ADAMTSL1: variants seen among roughly 807,000 people sequenced by gnomAD.
ADAMTSL1 encodes the protein ADAMTS-like protein 1.
In ADAMTSL1, 126 loss-of-function variants were observed where a neutral mutation model predicts 201.8. That is an observed-to-expected ratio of 0.62 (90% CI 0.54 to 0.72). The LOEUF is 0.72. Ranked by LOEUF, ADAMTSL1 falls within the 30% of genes least tolerant of loss-of-function variation. The pLI, the probability that ADAMTSL1 is intolerant of heterozygous loss-of-function variation, is 0.00. For synonymous variants in ADAMTSL1, 1,121 were observed against 903.4 expected, an observed-to-expected ratio of 1.24 and a Z score of -4.32; for missense variants, 2,679 against 2,277.8, an observed-to-expected ratio of 1.18 and a Z score of -3.59.
chr9:18,233,223 T>C (rs1467245425), intron 2 of ADAMTSL1, among the ~76,000 whole-genome samples: 5 of 152,216 alleles, frequency 3.3e-5, no homozygotes, highest in African/African-American at 1.2e-4. Context: ...CATCGTCAAT[T>C]CACTATGTAT....
chr9:17,934,625 C>G (rs1225423881), intron 1 of ADAMTSL1, among the ~76,000 whole-genome samples: 1 of 152,116 alleles, frequency 6.6e-6, no homozygotes, highest in Non-Finnish European at 1.5e-5. Flanking sequence ...TATTTTGTAG[C>G]TTTTCTTTCA....
chr9:18,466,020 G>A (rs989288966), intron 2 of ADAMTSL1, among the ~76,000 whole-genome samples: 8 of 152,128 alleles, frequency 5.3e-5, no homozygotes, highest in Non-Finnish European at 1.2e-4. Context: ...CAAAGTGCTG[G>A]GATTACAGGA....
At chr9:17,932,981 C>T (rs752728006) in intron 1 of ADAMTSL1, among the ~76,000 whole-genome samples, 9 of 152,256 alleles carry the variant, frequency 5.9e-5, no homozygotes, top group African/African-American at 1.2e-4. Context: ...TCAACTAAGC[C>T]TGGTCCATCA....
At chr9:18,757,296 A>C (rs937665439) in intron 16 of ADAMTSL1, among the ~76,000 whole-genome samples, 3 of 151,934 alleles carry the variant, frequency 2.0e-5, no homozygotes, top group African/African-American at 7.3e-5. Context: ...TACACTCATC[A>C]TCATCCTCCT....
chr9:18,066,209 C>A (rs1465128311), intron 1 of ADAMTSL1, among the ~76,000 whole-genome samples: 1 of 152,036 alleles, frequency 6.6e-6, no homozygotes, highest in Non-Finnish European at 1.5e-5. Flanking sequence ...GATAAAGCAT[C>A]CCAAGTCTTG....
chr9:17,968,236 C>T (rs1312244404), intron 1 of ADAMTSL1, among the ~76,000 whole-genome samples: 1 of 152,020 alleles, frequency 6.6e-6, no homozygotes, highest in African/African-American at 2.4e-5. Flanking sequence ...TTATTCTATA[C>T]CTCCAGGAAG....
intron 2 of ADAMTSL1, among the ~76,000 whole-genome samples, chr9:18,182,939 G>T (rs1828566818): frequency 6.6e-6 from 1 of 152,158 alleles, no homozygotes. Flanking sequence ...AGCTGAACCA[G>T]CTTAAATATC....
At chr9:18,250,101 T>C (rs1831407357) in intron 2 of ADAMTSL1, among the ~76,000 whole-genome samples, 1 of 152,228 alleles carries the variant, frequency 6.6e-6, no homozygotes, top group South Asian at 2.1e-4. Flanking sequence ...TTACATGAAT[T>C]AAAGTTCTTG....
chr9:18,252,807 T>C (rs1008604658), intron 2 of ADAMTSL1, among the ~76,000 whole-genome samples: 4 of 152,192 alleles, frequency 2.6e-5, no homozygotes, highest in Non-Finnish European at 4.4e-5. Context: ...GTATTAGTTG[T>C]CACCATTTTT....
At chr9:17,927,451 T>C (rs1303612917) in intron 1 of ADAMTSL1, among the ~76,000 whole-genome samples, 1 of 152,004 alleles carries the variant, frequency 6.6e-6, no homozygotes, top group Non-Finnish European at 1.5e-5. Flanking sequence ...TATATACATA[T>C]ACATGCATGC....
chr9:18,246,494 GATA>G (rs1831263291), intron 2 of ADAMTSL1, among the ~76,000 whole-genome samples: 1 of 152,068 alleles, frequency 6.6e-6, no homozygotes, highest in Non-Finnish European at 1.5e-5. Context: ...TCTAAGCAAG[GATA>G]ATAATAATAG....
At chr9:18,857,406 C>G (rs1320034717) in intron 23 of ADAMTSL1, among the ~76,000 whole-genome samples, 1 of 152,178 alleles carries the variant, frequency 6.6e-6, no homozygotes, top group Non-Finnish European at 1.5e-5. Context: ...TTTTTATGAC[C>G]TTAACGCTTC....
chr9:18,583,857 T>G (rs1823283931), intron 4 of ADAMTSL1, among the ~76,000 whole-genome samples: 1 of 152,334 alleles, frequency 6.6e-6, no homozygotes, highest in Non-Finnish European at 1.5e-5. Context: ...TCCCTTTGTT[T>G]TGGCCAATTT....
intron 1 of ADAMTSL1, among the ~76,000 whole-genome samples, chr9:18,094,585 C>T (rs1411554204): frequency 3.3e-5 from 5 of 151,826 alleles, no homozygotes; most frequent in Non-Finnish European, 5.9e-5. Flanking sequence ...CGGTCAAATG[C>T]CACCTAAATC....
intron 10 of ADAMTSL1, among the ~76,000 whole-genome samples, chr9:18,679,883 A>T (rs1830353275): frequency 6.6e-6 from 1 of 152,244 alleles, no homozygotes; most frequent in African/African-American, 2.4e-5. Flanking sequence ...GAAAATAAAA[A>T]GTATCTGCAG....
chr9:18,778,637 G>A lies in ADAMTSL1; in HGVS notation c.3677+731G>A, dbSNP rs1158272055. Among the ~76,000 whole-genome samples the A allele has an allele frequency of 9.9e-5, 15 of 152,216 alleles. No homozygotes were observed. In the East Asian group the frequency reaches 2.7e-3, roughly 27 times the overall value. ...TTTGTCTCTTTTAATCTTTACAGGG[G>A]CCCTGGCAATGAAGATGGTTGTCAT... On this transcript the variant is annotated intron_variant, in intron 19 of 28. Coordinates refer to ENST00000380548, the MANE Select transcript of ADAMTSL1 (RefSeq NM_001040272.6).
intron 1 of ADAMTSL1, among the ~76,000 whole-genome samples, chr9:18,086,074 C>G (rs1198716008): frequency 1.2e-4 from 19 of 152,052 alleles, no homozygotes; most frequent in Admixed American, 1.2e-3. Context: ...CTGGCACTGA[C>G]ATTTACCAAA....
At chr9:18,702,062 C>CA (rs1437555043) in intron 13 of ADAMTSL1, among the ~76,000 whole-genome samples, 1 of 151,970 alleles carries the variant, frequency 6.6e-6, no homozygotes, top group African/African-American at 2.4e-5. Flanking sequence ...TAGCGGCAGG[C>CA]AAAAAAGAGA....
chr9:18,237,527 T>C (rs1202640896), intron 2 of ADAMTSL1, among the ~76,000 whole-genome samples: 1 of 152,228 alleles, frequency 6.6e-6, no homozygotes, highest in Non-Finnish European at 1.5e-5. Context: ...ACTTAGAGGA[T>C]TTCAGAGAAA....
Sources: gnomAD v4.1 joint callset for allele counts (sites outside exome capture counted in the v4.1 genomes callset) on GRCh38, gnomAD v4.1.1 for gene constraint, MANE v1.5 for transcripts, NCBI Gene and HGNC (gene_info 2026-07-23, HGNC 2026-07-21) for gene names.